SYT1: variants seen among roughly 807,000 people sequenced by gnomAD.
SYT1 encodes the protein synaptotagmin-1.
SYT1 carries 8 observed loss-of-function variants against 44.8 expected under a neutral mutation model. The observed-to-expected ratio is 0.18, with a 90% CI of 0.10 to 0.32. The LOEUF (loss-of-function observed/expected upper bound fraction) is 0.32, where lower values mean the gene tolerates loss of function less well. Among genes scored for constraint, SYT1 ranks in the 10% least tolerant of loss-of-function variants. The pLI is 1.00. For missense variants in SYT1, 286 were observed against 509.3 expected (o/e 0.56, Z 4.22); for synonymous variants, 154 against 188.8 (o/e 0.82, Z 1.51).
At chr12:79,202,968 T>C (rs2138502591) in intron 3 of SYT1, among the ~76,000 whole-genome samples, 1 of 151,928 alleles carries the variant, frequency 6.6e-6, no homozygotes, top group East Asian at 1.9e-4. Flanking sequence ...AGGAAAAAAA[T>C]GTAATGAAAA....
At chr12:79,326,021 A>G (rs184859233) in intron 8 of SYT1, among the ~76,000 whole-genome samples, 5 of 152,324 alleles carry the variant, frequency 3.3e-5, no homozygotes, top group East Asian at 3.9e-4. Flanking sequence ...TGGGGGGAAA[A>G]TATACAAAGC....
chr12:78,884,629 T>C (rs924135508), intron 1 of SYT1, among the ~76,000 whole-genome samples: 14 of 151,428 alleles, frequency 9.2e-5, no homozygotes, highest in African/African-American at 3.4e-4. Context: ...AATATTTTAA[T>C]GTTTGCATTT....
chr12:79,355,368 T>C (rs1345417258), intron 9 of SYT1, among the ~76,000 whole-genome samples: 1 of 152,232 alleles, frequency 6.6e-6, no homozygotes, highest in Non-Finnish European at 1.5e-5. Flanking sequence ...CCTAATTTTG[T>C]ATTCATAATT....
intron 3 of SYT1, among the ~76,000 whole-genome samples, chr12:79,080,920 C>T (rs1426081491): frequency 2.0e-5 from 3 of 152,080 alleles, no homozygotes; most frequent in Non-Finnish European, 4.4e-5. Context: ...TGGAGAGTGT[C>T]TACAGCCAAG....
At chr12:79,088,089 T>C (rs555962658) in intron 3 of SYT1, among the ~76,000 whole-genome samples, 1 of 152,026 alleles carries the variant, frequency 6.6e-6, no homozygotes, top group Non-Finnish European at 1.5e-5. Flanking sequence ...TCTCCTATGA[T>C]TATGGTAAGG....
chr12:79,337,018 G>A (rs1882121111), intron 8 of SYT1, among the ~76,000 whole-genome samples: 1 of 151,922 alleles, frequency 6.6e-6, no homozygotes, highest in African/African-American at 2.4e-5. Context: ...ACCATCTTCT[G>A]TGTGACTTGC....
intron 2 of SYT1, among the ~76,000 whole-genome samples, chr12:79,016,431 G>A (rs79875421): frequency 3.6e-4 from 55 of 152,242 alleles, no homozygotes; most frequent in African/African-American, 1.3e-3. Flanking sequence ...CATACTGGTT[G>A]TAATTATACT....
intron 1 of SYT1, chr12:78,977,527 A>C (rs1190328865): frequency 6.6e-6 from 1 of 152,192 alleles, no homozygotes; most frequent in African/African-American, 2.4e-5. Flanking sequence ...CATTGAACAG[A>C]AGATGTCAGA....
chr12:78,890,585 G>A (rs1219489583), intron 1 of SYT1, among the ~76,000 whole-genome samples: 7 of 151,714 alleles, frequency 4.6e-5, no homozygotes, highest in African/African-American at 1.5e-4. Flanking sequence ...GACTGTTCAG[G>A]ATGCTCTCCT....
intron 3 of SYT1, among the ~76,000 whole-genome samples, chr12:79,173,016 G>C: frequency 7.6e-6 from 1 of 130,736 alleles, no homozygotes; most frequent in Admixed American, 7.8e-5. Flanking sequence ...AGGGAGTTTG[G>C]CCTGTCCAGA....
chr12:79,045,773 T>G (rs917693085), intron 2 of SYT1: 2 of 152,306 alleles, frequency 1.3e-5, no homozygotes, highest in African/African-American at 4.8e-5. Flanking sequence ...GGCTCGTAAG[T>G]CAAAAACACT....
chr12:78,886,365 C>T (rs1223868356), intron 1 of SYT1, among the ~76,000 whole-genome samples: 3 of 151,814 alleles, frequency 2.0e-5, no homozygotes, highest in African/African-American at 7.3e-5. Context: ...AATGGTTTTG[C>T]TTTTCAATAT....
chr12:79,320,575 G>A (rs1189795995), intron 8 of SYT1, among the ~76,000 whole-genome samples: 2 of 151,544 alleles, frequency 1.3e-5, no homozygotes, highest in South Asian at 2.1e-4. Context: ...CGTCATATCA[G>A]CTGGTGCTAT....
At position 79,367,757 on chromosome 12, in the gene SYT1, C is replaced by T. The variant is rs547709559; in HGVS notation, c.928+14138C>T. ...AAATCAGATGAATTGCTCCACTTGC[C>T]GGTAGGATAAATAGTTCAGTTAAAG... On this transcript the variant is annotated intron_variant, in intron 9 of 10. Transcript: ENST00000261205. 7.2e-5 allele frequency among the ~76,000 whole-genome samples: 11 copies of T among 151,812 alleles called. No homozygotes were observed. In the East Asian group the frequency reaches 1.4e-3, roughly 19 times the overall value.
At position 79,153,088 on chromosome 12, in the gene SYT1, A is replaced by G. The variant is rs146329147; in HGVS notation, c.-17-64415A>G. ...CCAAGTTGTCATCGATGACCAAAAA[A>G]CAACCCCAAAAAAGGCATTAAACTC... On this transcript the variant is annotated intron_variant, in intron 3 of 10. Transcript: ENST00000261205. Among the ~76,000 whole-genome samples the G allele has an allele frequency of 7.5e-3, 1,146 of 152,146 alleles. 12 individuals are homozygous for G. The highest frequency in any genetic ancestry group is 0.026 in the African/African-American group (1,080 of 41,518).
At chr12:79,362,707 C>A (rs1193106939) in intron 9 of SYT1, among the ~76,000 whole-genome samples, 3 of 152,068 alleles carry the variant, frequency 2.0e-5, no homozygotes, top group Non-Finnish European at 4.4e-5. Context: ...AAAGGTAGAG[C>A]TAGAGTAATA....
chr12:79,031,051 C>T (rs1021480740), intron 2 of SYT1, among the ~76,000 whole-genome samples: 17 of 150,830 alleles, frequency 1.1e-4, no homozygotes, highest in South Asian at 4.2e-4. Context: ...GAATGAAATG[C>T]GTAAGTTTAA....
chr12:79,133,682 C>A (rs1435198052), intron 3 of SYT1, among the ~76,000 whole-genome samples: 2 of 152,090 alleles, frequency 1.3e-5, no homozygotes, highest in Non-Finnish European at 2.9e-5. Flanking sequence ...GGAAGAAAAA[C>A]CACAGAACTT....
chr12:79,333,037 A>T (rs1363286550), intron 8 of SYT1, among the ~76,000 whole-genome samples: 1 of 152,190 alleles, frequency 6.6e-6, no homozygotes, highest in Non-Finnish European at 1.5e-5. Context: ...TTCTCATAGC[A>T]TTCCATCTAC....
Sources: gnomAD v4.1 joint callset for allele counts (sites outside exome capture counted in the v4.1 genomes callset) on GRCh38, gnomAD v4.1.1 for gene constraint, MANE v1.5 for transcripts, NCBI Gene and HGNC (gene_info 2026-07-23, HGNC 2026-07-21) for gene names.